ZBTB7C: variants seen among roughly 807,000 people sequenced by gnomAD.
The protein encoded by ZBTB7C is zinc finger and BTB domain containing 7C.
A neutral mutation model predicts 25.7 loss-of-function variants in ZBTB7C; 8 were observed. That is an observed-to-expected ratio of 0.31 (90% CI 0.18 to 0.56). The LOEUF is 0.56. ZBTB7C is among the 20% of genes least tolerant of loss of function. The pLI is 0.91. For synonymous variants in ZBTB7C, 394 were observed against 369.0 expected, an observed-to-expected ratio of 1.07 and a Z score of -0.78; for missense variants, 824 against 855.2, an observed-to-expected ratio of 0.96 and a Z score of 0.46.
intron 3 of ZBTB7C, among the ~76,000 whole-genome samples, chr18:48,107,509 T>C (rs1361736928): frequency 1.3e-5 from 2 of 151,702 alleles, no homozygotes; most frequent in East Asian, 3.9e-4. Flanking sequence ...GGAAAGAAGA[T>C]TCCTGGAGGT....
intron 3 of ZBTB7C, among the ~76,000 whole-genome samples, chr18:48,075,978 AGAAAT>A (rs1329458257): frequency 1.3e-5 from 2 of 152,252 alleles, no homozygotes. Context: ...CGGGTGCCAA[AGAAAT>A]GTTTGTTCCC....
intron 3 of ZBTB7C, among the ~76,000 whole-genome samples, chr18:48,110,332 C>T (rs201834258): frequency 1.3e-5 from 2 of 151,900 alleles, no homozygotes; most frequent in Admixed American, 6.6e-5. Flanking sequence ...CCTACCCCCC[C>T]ACCTGGTTCA....
At chr18:48,185,293 G>A (rs759832262) in intron 3 of ZBTB7C, 18 of 442,982 alleles carry the variant, frequency 4.1e-5, no homozygotes, top group African/African-American at 2.0e-4. Flanking sequence ...ATTTCTGCCC[G>A]GGCCATGCCA....
intron 2 of ZBTB7C, among the ~76,000 whole-genome samples, chr18:48,279,252 C>T (rs137908122): frequency 1.7e-3 from 254 of 152,308 alleles, no homozygotes; most frequent in African/African-American, 5.9e-3. Context: ...CCAGTACTTA[C>T]AGGCCTTGGT....
At chr18:48,289,482 C>T (rs190437085) in intron 2 of ZBTB7C, among the ~76,000 whole-genome samples, 10 of 150,888 alleles carry the variant, frequency 6.6e-5, no homozygotes, top group Non-Finnish European at 8.8e-5. Context: ...CAAACATCTA[C>T]GAAAAATAAA....
At chr18:48,204,582 T>A (rs1390210989) in intron 2 of ZBTB7C, among the ~76,000 whole-genome samples, 1 of 152,204 alleles carries the variant, frequency 6.6e-6, no homozygotes. Flanking sequence ...CTTCCCTTCA[T>A]GTAGCTTAAG....
At chr18:48,340,998 A>G (rs1041431050) in intron 1 of ZBTB7C, among the ~76,000 whole-genome samples, 8 of 152,148 alleles carry the variant, frequency 5.3e-5, no homozygotes, top group Non-Finnish European at 1.0e-4. Context: ...TAAAAGAAGG[A>G]GGTGAGTCTG....
intron 1 of ZBTB7C, among the ~76,000 whole-genome samples, chr18:48,345,556 C>G (rs180694053): frequency 2.0e-5 from 3 of 151,758 alleles, no homozygotes; most frequent in African/African-American, 7.2e-5. Context: ...CCCCACACCC[C>G]CAGACCTCCA....
chr18:48,073,398 C>G (rs373427325), intron 3 of ZBTB7C, among the ~76,000 whole-genome samples: 1 of 152,126 alleles, frequency 6.6e-6, no homozygotes, highest in Non-Finnish European at 1.5e-5. Flanking sequence ...GGCGCCCAGC[C>G]TGAGTCACCC....
chr18:48,346,442 G>A (rs550338876), intron 1 of ZBTB7C: 1 of 152,300 alleles, frequency 6.6e-6, no homozygotes, highest in South Asian at 2.1e-4. Context: ...CAGAACATGG[G>A]TTCCCCCAAG....
intron 3 of ZBTB7C, among the ~76,000 whole-genome samples, chr18:48,107,067 C>T (rs1398104768): frequency 6.4e-5 from 9 of 141,524 alleles, no homozygotes; most frequent in Non-Finnish European, 1.4e-4. Context: ...AGGGATAGGA[C>T]AGAGGGAGGG....
intron 3 of ZBTB7C, among the ~76,000 whole-genome samples, chr18:48,182,181 AT>A (rs75904473): frequency 0.077 from 11,638 of 152,070 alleles, 710 homozygotes; most frequent in Admixed American, 0.2. Context: ...CGGAAATGAG[AT>A]TTTTTTTCAT....
chr18:48,334,205 C>G (rs1285800837), intron 2 of ZBTB7C, among the ~76,000 whole-genome samples: 1 of 152,090 alleles, frequency 6.6e-6, no homozygotes, highest in African/African-American at 2.4e-5. Flanking sequence ...CTAGAGACCC[C>G]CCACACACAA....
chr18:48,028,172 G>A lies in ZBTB7C; in HGVS notation c.*1088C>T, dbSNP rs1386074137. 1 of 152,232 alleles carries A rather than the reference G, an allele frequency of 6.6e-6. No individual in the cohort carries two copies. Among genetic ancestry groups the A allele is most frequent in the Non-Finnish European group, 1.5e-5 (1 of 68,084 alleles). The allele number at this position is 152,232 out of a possible 1,614,324, so 9.4% of individuals were successfully genotyped here. A position where few individuals can be genotyped will look rare whatever the true frequency, so the allele number is the denominator to read the frequency against. ...GTCTGTTGTCAGGAATCAGGATGAG[G>A]GGAGACTGTTGCCAGGTGTTAAGAG... is the stretch of plus-strand genomic sequence containing the variant. On this transcript the variant is annotated 3_prime_UTR_variant, in exon 5 of 5. Transcript: ENST00000590800.
intron 3 of ZBTB7C, among the ~76,000 whole-genome samples, chr18:48,154,303 G>A (rs1189037746): frequency 6.6e-6 from 1 of 152,206 alleles, no homozygotes; most frequent in Non-Finnish European, 1.5e-5. Context: ...AGCTCTCACA[G>A]ATGATCCAGA....
At chr18:48,115,964 T>G (rs934451417) in intron 3 of ZBTB7C, among the ~76,000 whole-genome samples, 1 of 152,150 alleles carries the variant, frequency 6.6e-6, no homozygotes, top group Admixed American at 6.5e-5. Context: ...TTAGCACTTT[T>G]GGTTCTATTT....
In ZBTB7C at chr18:48,120,718, GA is replaced by G. The variant is rs1463595636; in HGVS notation, c.-17+65215del. ...AACTAATGGACACTGGGGGAGGAGG[GA>G]AAGTGGGAAGCAAAGAGACTCTAAC... On this transcript the variant is annotated intron_variant, in intron 3 of 4. Coordinates refer to ENST00000590800, the MANE Select transcript of ZBTB7C (RefSeq NM_001318841.2). 7.2e-5 allele frequency among the ~76,000 whole-genome samples: 11 copies of G among 152,358 alleles called. No homozygotes were observed. The East Asian group carries it at 2.1e-3, about 29-fold the overall frequency.
chr18:48,086,657 C>T (rs552594445), intron 3 of ZBTB7C, among the ~76,000 whole-genome samples: 9 of 152,312 alleles, frequency 5.9e-5, no homozygotes, highest in African/African-American at 1.9e-4. Flanking sequence ...TTCTCTGCAG[C>T]CTTGCAGATG....
chr18:48,284,935 C>G (rs979737335), intron 2 of ZBTB7C, among the ~76,000 whole-genome samples: 1 of 152,144 alleles, frequency 6.6e-6, no homozygotes, highest in Admixed American at 6.5e-5. Context: ...TCTTATAAGA[C>G]TGGACTAATG....
Sources: allele counts gnomAD v4.1 joint callset (sites outside exome capture counted in the v4.1 genomes callset), GRCh38; gene constraint gnomAD v4.1.1; transcripts MANE v1.5; gene names NCBI Gene and HGNC (gene_info 2026-07-23, HGNC 2026-07-21).